LRP1B: variants seen among roughly 807,000 people sequenced by gnomAD.
LRP1B encodes the protein LDL receptor related protein 1B, also known as low-density lipoprotein receptor-related protein 1B.
A neutral mutation model predicts 556.6 loss-of-function variants in LRP1B; 217 were observed. The observed-to-expected ratio is 0.39, with a 90% CI of 0.35 to 0.44. LRP1B has a LOEUF of 0.44. Ranked by LOEUF, LRP1B falls within the 20% of genes least tolerant of loss-of-function variation. LRP1B has a pLI of 1.00. For synonymous variants in LRP1B, 2,047 were observed against 1,865.8 expected (o/e 1.10, Z -2.50); for missense variants, 5,053 against 5,620.8 (o/e 0.90, Z 3.23).
At chr2:141,291,623 G>A (rs537268841) in intron 3 of LRP1B, among the ~76,000 whole-genome samples, 27 of 151,964 alleles carry the variant, frequency 1.8e-4, no homozygotes, top group Non-Finnish European at 3.5e-4. Context: ...TTGGGAGGCC[G>A]AGGCAGGCGG....
chr2:142,065,759 C>T (rs905052100), intron 1 of LRP1B, among the ~76,000 whole-genome samples: 1 of 151,368 alleles, frequency 6.6e-6, no homozygotes, highest in Admixed American at 6.6e-5. Flanking sequence ...TCACCCCATT[C>T]CAAAATTTTC....
In LRP1B at chr2:141,543,744, A is replaced by T. The variant is rs117348673; in HGVS notation, c.206-63211T>A. ...TGTCTCTAAAAGAAAAAAGAAAAAA[A>T]AAACAAATACACAGATAAACAAAAA... On this transcript the variant is annotated intron_variant, in intron 2 of 90. Coordinates refer to ENST00000389484, the MANE Select transcript of LRP1B (RefSeq NM_018557.3). Among the ~76,000 whole-genome samples the T allele has an allele frequency of 2.3e-3, 348 of 151,834 alleles. 5 individuals carry two copies. Among genetic ancestry groups the T allele is most frequent in the Admixed American group, 0.017 (260 of 15,238 alleles).
rs11694934 is a variant in LRP1B at position 140,541,113 on chromosome 2, G to T, written c.7388-15C>A. 1.3e-6 allele frequency: 2 copies of T among 1,597,456 alleles called. No individual in the cohort carries two copies. Among genetic ancestry groups the T allele is most frequent in the Admixed American group, 1.7e-5 (1 of 59,066 alleles). On this transcript the variant is annotated splice_polypyrimidine_tract_variant and intron_variant, in intron 44 of 90. Transcript: ENST00000389484. ...AGAAAGTTCACCTACAATAAAGAGG[G>T]TGTATTGGTAACATTTTATATCGAA...
intron 1 of LRP1B, among the ~76,000 whole-genome samples, chr2:142,061,994 G>T (rs1704936902): frequency 6.6e-6 from 1 of 151,798 alleles, no homozygotes; most frequent in Non-Finnish European, 1.5e-5. Context: ...TGCTGCTATT[G>T]CTCAGGAGTT....
At chr2:140,436,132 A>G (rs1419942624) in intron 66 of LRP1B, among the ~76,000 whole-genome samples, 1 of 152,188 alleles carries the variant, frequency 6.6e-6, no homozygotes, top group African/African-American at 2.4e-5. Flanking sequence ...AAATTTTACC[A>G]TAAAATGTAG....
At chr2:141,053,817 T>C (rs561508239) in intron 10 of LRP1B, among the ~76,000 whole-genome samples, 1 of 93,976 alleles carries the variant, frequency 1.1e-5, no homozygotes, top group East Asian at 3.8e-4. Context: ...CACATATGCA[T>C]GTGTGTATAT....
intron 42 of LRP1B, among the ~76,000 whole-genome samples, chr2:140,601,186 C>T (rs191210502): frequency 6.6e-6 from 1 of 151,166 alleles, no homozygotes; most frequent in East Asian, 1.9e-4. Flanking sequence ...AGGCCTTTTC[C>T]AGCATGGTAT....
chr2:140,804,166 T>C lies in LRP1B; in HGVS notation c.5359+9491A>G, dbSNP rs182075493. On this transcript the variant is annotated intron_variant, in intron 32 of 90. Coordinates refer to ENST00000389484, the MANE Select transcript of LRP1B (RefSeq NM_018557.3). The stretch of plus-strand genomic sequence containing the variant: ...AAGGTGAACTATAAGAGGTAAGGAA[T>C]TTTCAAATTATCAGACTCCCCACCT... Among the ~76,000 whole-genome samples the C allele has an allele frequency of 4.8e-3, 736 of 152,140 alleles. 10 individuals carry two copies. The highest frequency in any genetic ancestry group is 0.017 in the African/African-American group (696 of 41,512).
intron 66 of LRP1B, among the ~76,000 whole-genome samples, chr2:140,441,963 T>C (rs1219183601): frequency 6.6e-6 from 1 of 152,202 alleles, no homozygotes; most frequent in Non-Finnish European, 1.5e-5. Context: ...AAATAATTAT[T>C]GTAAATAAAA....
intron 41 of LRP1B, among the ~76,000 whole-genome samples, chr2:140,649,476 C>T (rs1249874856): frequency 1.3e-5 from 2 of 152,206 alleles, no homozygotes; most frequent in Admixed American, 6.5e-5. Flanking sequence ...AGACTACATG[C>T]TACTGAATGG....
At chr2:140,791,395 C>T (rs1408097923) in intron 32 of LRP1B, among the ~76,000 whole-genome samples, 2 of 152,034 alleles carry the variant, frequency 1.3e-5, no homozygotes, top group Non-Finnish European at 2.9e-5. Context: ...CACAACTGCA[C>T]TCTAGCCTGG....
At chr2:140,666,861 T>C (rs945346241) in intron 41 of LRP1B, among the ~76,000 whole-genome samples, 5 of 152,192 alleles carry the variant, frequency 3.3e-5, no homozygotes, top group Non-Finnish European at 5.9e-5. Flanking sequence ...ATCAGAGAAT[T>C]ATACTGTGTG....
chr2:141,146,578 G>GTAGAA (rs1701789504), intron 7 of LRP1B, among the ~76,000 whole-genome samples: 1 of 152,162 alleles, frequency 6.6e-6, no homozygotes, highest in African/African-American at 2.4e-5. Context: ...TTAGGCACAT[G>GTAGAA]TAGAATATCC....
chr2:140,740,889 T>C (rs1688114326), intron 35 of LRP1B, among the ~76,000 whole-genome samples: 1 of 152,120 alleles, frequency 6.6e-6, no homozygotes, highest in African/African-American at 2.4e-5. Flanking sequence ...GACCTCATTT[T>C]ACCTTAATTA....
At chr2:140,864,397 G>T (rs1225382306) in intron 27 of LRP1B, among the ~76,000 whole-genome samples, 2 of 152,066 alleles carry the variant, frequency 1.3e-5, no homozygotes, top group East Asian at 3.9e-4. Context: ...TAAAATTTGA[G>T]CTAGTATAAG....
chr2:141,231,330 T>C (rs1365522627), intron 5 of LRP1B, among the ~76,000 whole-genome samples: 1 of 152,224 alleles, frequency 6.6e-6, no homozygotes, highest in Non-Finnish European at 1.5e-5. Context: ...GAATATGATT[T>C]GGGGCCTCCC....
chr2:140,804,033 CTT>C (rs2105015035), intron 32 of LRP1B, among the ~76,000 whole-genome samples: 1 of 151,078 alleles, frequency 6.6e-6, no homozygotes, highest in East Asian at 2.0e-4. Flanking sequence ...GTTTCAGCTG[CTT>C]TTTACATTCA....
chr2:141,558,714 T>A (rs185946956), intron 2 of LRP1B, among the ~76,000 whole-genome samples: 2 of 151,902 alleles, frequency 1.3e-5, no homozygotes, highest in East Asian at 3.9e-4. Context: ...CTGTAGACTA[T>A]GTTTACGCAC....
At chr2:141,513,342 A>T (rs1684197504) in intron 2 of LRP1B, among the ~76,000 whole-genome samples, 1 of 152,040 alleles carries the variant, frequency 6.6e-6, no homozygotes, top group Non-Finnish European at 1.5e-5. Context: ...ATTTTAAGTT[A>T]TTTTAATTTC....
Sources: allele counts gnomAD v4.1 joint callset (sites outside exome capture counted in the v4.1 genomes callset), GRCh38; gene constraint gnomAD v4.1.1; transcripts MANE v1.5; gene names NCBI Gene and HGNC (gene_info 2026-07-23, HGNC 2026-07-21).